Variants in ALDH7A1 observed in about 807,000 individuals in gnomAD.
The protein encoded by ALDH7A1 is alpha-aminoadipic semialdehyde dehydrogenase.
ALDH7A1 carries 63 observed loss-of-function variants against 79.9 expected under a neutral mutation model. The observed-to-expected ratio is 0.79, with a 90% CI of 0.64 to 0.97. The LOEUF is 0.97. ALDH7A1 is among the 50% of genes least tolerant of loss of function. The pLI, the probability that ALDH7A1 is intolerant of heterozygous loss-of-function variation, is 0.00. For missense variants in ALDH7A1, 627 were observed against 665.2 expected (o/e 0.94, Z 0.63); for synonymous variants, 240 against 231.2 (o/e 1.04, Z -0.34).
intron 16 of ALDH7A1, among the ~76,000 whole-genome samples, chr5:126,546,755 C>T (rs1749800707): frequency 1.3e-5 from 2 of 151,958 alleles, no homozygotes; most frequent in South Asian, 2.1e-4. Context: ...TTGAGCAGGG[C>T]ACAAGAATAT....
intron 6 of ALDH7A1, among the ~76,000 whole-genome samples, chr5:126,576,849 C>CT (rs1750988434): frequency 6.6e-6 from 1 of 152,180 alleles, no homozygotes; most frequent in Non-Finnish European, 1.5e-5. Flanking sequence ...ATTGCTTGAA[C>CT]CTGGGAGGCG....
At chr5:126,548,427 T>TG (rs1268990839) in intron 16 of ALDH7A1, among the ~76,000 whole-genome samples, 7 of 150,512 alleles carry the variant, frequency 4.7e-5, no homozygotes, top group African/African-American at 1.7e-4. Flanking sequence ...CCAAAACTTT[T>TG]TTTTTTTTTT....
chr5:126,577,321 T>C (rs1176757673), intron 5 of ALDH7A1, 110 bp from the exon 6 acceptor site: 4 of 1,164,956 alleles, frequency 3.4e-6, no homozygotes, highest in Non-Finnish European at 4.8e-6. Flanking sequence ...TGCCTTATAG[T>C]GGGAAATTGC....
At chr5:126,585,089 G>A (rs970175643) in intron 3 of ALDH7A1, among the ~76,000 whole-genome samples, 1 of 152,244 alleles carries the variant, frequency 6.6e-6, no homozygotes, top group Non-Finnish European at 1.5e-5. Context: ...CTTGGGGTCA[G>A]GAGTTCAAGA....
chr5:126,577,832 C>T (rs1299172692), intron 5 of ALDH7A1, among the ~76,000 whole-genome samples: 1 of 151,432 alleles, frequency 6.6e-6, no homozygotes, highest in Non-Finnish European at 1.5e-5. Flanking sequence ...TCCCAAAGTG[C>T]TGGGATTACA....
At chr5:126,545,586 G>C (rs1359405647) in intron 17 of ALDH7A1, among the ~76,000 whole-genome samples, 51 of 134,608 alleles carry the variant, frequency 3.8e-4, no homozygotes, top group African/African-American at 5.9e-4. Context: ...AGGAGTTCAA[G>C]ACCAGCCTGG....
chr5:126,571,331 A>G (rs1461570594), intron 7 of ALDH7A1, among the ~76,000 whole-genome samples: 1 of 151,784 alleles, frequency 6.6e-6, no homozygotes, highest in East Asian at 1.9e-4. Flanking sequence ...TATAAAAATT[A>G]GCCGAGAGTG....
chr5:126,560,772 C>T (rs1485047084), intron 10 of ALDH7A1, among the ~76,000 whole-genome samples: 1 of 151,998 alleles, frequency 6.6e-6, no homozygotes, highest in Admixed American at 6.6e-5. Context: ...GAAATGTGGC[C>T]AGTTTTCAGC....
Position 126,576,327 on chromosome 5 carries a change from A to G in ALDH7A1, c.650+752T>C, listed in dbSNP as rs555584893. On this transcript the variant is annotated intron_variant, in intron 6 of 17. Coordinates refer to ENST00000409134, the MANE Select transcript of ALDH7A1 (RefSeq NM_001182.5). The stretch of plus-strand genomic sequence containing the variant: ...TTTTTCTCTTGTTAAAGTAAGAAAT[A>G]CAGTTATTAGTCCTCCCAAATATGT... 1.4e-4 allele frequency among the ~76,000 whole-genome samples: 22 copies of G among 152,122 alleles called. No individual in the cohort carries two copies. The East Asian group carries it at 4.3e-3, about 29-fold the overall frequency.
chr5:126,589,547 A>C (rs1581402048), intron 3 of ALDH7A1, among the ~76,000 whole-genome samples: 1 of 151,990 alleles, frequency 6.6e-6, no homozygotes, highest in Non-Finnish European at 1.5e-5. Flanking sequence ...TTGGGAGGCC[A>C]AGGTGGGTGG....
chr5:126,571,475 A>C (rs1182858173), intron 7 of ALDH7A1, among the ~76,000 whole-genome samples: 5 of 72,194 alleles, frequency 6.9e-5, no homozygotes, highest in Non-Finnish European at 1.1e-4. Context: ...ACTGTATCTC[A>C]AAAAAAAAAA....
In ALDH7A1 at chr5:126,544,816, T is replaced by C. The variant is rs187827993; in HGVS notation, c.*149A>G. 7 of 666,434 alleles carry C rather than the reference T, an allele frequency of 1.1e-5. No individual in the cohort carries two copies. In the Admixed American group the frequency reaches 1.8e-4, roughly 18 times the overall value. 41.3% of individuals were successfully genotyped at this position (666,434 alleles called of 1,614,324 possible). On this transcript the variant is annotated 3_prime_UTR_variant, in exon 18 of 18. Transcript: ENST00000409134. ...GATTTTTAAAAAAGGAATCTCTTGA[T>C]TTAATCAGGGCTTTGGGGTCATAGG...
intron 10 of ALDH7A1, among the ~76,000 whole-genome samples, chr5:126,560,358 C>T (rs906258289): frequency 1.3e-5 from 2 of 152,098 alleles, no homozygotes; most frequent in African/African-American, 4.8e-5. Context: ...GTAATTCCAG[C>T]TACTCGGGAG....
intron 7 of ALDH7A1, among the ~76,000 whole-genome samples, chr5:126,573,045 A>C (rs191009482): frequency 6.7e-6 from 1 of 149,800 alleles, no homozygotes; most frequent in African/African-American, 2.4e-5. Context: ...TAACATTTTC[A>C]GTGCTTTGAA....
At chr5:126,585,328 A>G (rs1751324198) in intron 3 of ALDH7A1, among the ~76,000 whole-genome samples, 1 of 151,976 alleles carries the variant, frequency 6.6e-6, no homozygotes, top group African/African-American at 2.4e-5. Flanking sequence ...AGGTAAAAGG[A>G]ACATTCCCCT....
At chr5:126,575,386 C>T (rs774633273) in intron 7 of ALDH7A1, 34 bp downstream of exon 7, 1 of 1,604,292 alleles carries the variant, frequency 6.2e-7, no homozygotes, top group South Asian at 1.1e-5. Context: ...AATATTATTC[C>T]ATACCCAGGA....
In ALDH7A1 at chr5:126,570,783, C is replaced by A; in HGVS notation, c.772G>T (p.Gly258Cys). Residue 258 changes from glycine to cysteine, a missense_variant and splice_region_variant, in exon 8 of 18, where the codon GGC (glycine) becomes TGC (cysteine). By Grantham distance (159) the Gly-to-Cys change is radical. Transcript: ENST00000409134. ...GATGCTCTCAGCCTAGTAACCTACC[C>A]AATATCTGCTCCACCACAAGTCAAG... ...CSLTCGGADI[G>C]TAMAKDERVN... 6.2e-7 allele frequency: 1 copy of A among 1,613,930 alleles called. No individual in the cohort carries two copies. The highest frequency in any genetic ancestry group is 1.1e-5 in the South Asian group (1 of 91,068).
chr5:126,582,824 C>T (rs764399531), intron 5 of ALDH7A1, 27 bp downstream of exon 5: 2 of 1,611,592 alleles, frequency 1.2e-6, no homozygotes, highest in South Asian at 2.2e-5. Context: ...GAGTACAAAA[C>T]TCAGCTTAAC....
At chr5:126,550,775 G>A (rs1749968975) in intron 14 of ALDH7A1, among the ~76,000 whole-genome samples, 1 of 152,138 alleles carries the variant, frequency 6.6e-6, no homozygotes, top group Non-Finnish European at 1.5e-5. Flanking sequence ...GTCCCCATAC[G>A]TGAAACAATG....
Sources: gnomAD v4.1 joint callset for allele counts (sites outside exome capture counted in the v4.1 genomes callset) on GRCh38, gnomAD v4.1.1 for gene constraint, MANE v1.5 for transcripts, NCBI Gene and HGNC (gene_info 2026-07-23, HGNC 2026-07-21) for gene names.